NR5A2: variants seen among roughly 807,000 people sequenced by gnomAD.
NR5A2 encodes CYP7A promoter-binding factor.
A neutral mutation model predicts 62.7 loss-of-function variants in NR5A2; 26 were observed. The observed-to-expected ratio is 0.41, with a 90% CI of 0.30 to 0.58. The LOEUF is 0.58. Among genes scored for constraint, NR5A2 ranks in the 20% least tolerant of loss-of-function variants. NR5A2 has a pLI of 0.22. For missense variants in NR5A2, 541 were observed against 669.1 expected (o/e 0.81, Z 2.11); for synonymous variants, 246 against 241.7 (o/e 1.02, Z -0.16).
chr1:200,148,039 T>C (rs958636455), intron 7 of NR5A2: 7 of 303,790 alleles, frequency 2.3e-5, no homozygotes, highest in Non-Finnish European at 1.3e-5. Flanking sequence ...GGCAGGTCGC[T>C]GGAGCGCACG....
chr1:200,038,911 A>G, intron 1 of NR5A2: 1 of 446,490 alleles, frequency 2.2e-6, no homozygotes, highest in Non-Finnish European at 3.6e-6. Context: ...CTAGTGTCCG[A>G]CCTGAGTCCG....
intron 5 of NR5A2, among the ~76,000 whole-genome samples, chr1:200,077,468 C>T (rs1013890072): frequency 6.6e-6 from 1 of 152,176 alleles, no homozygotes; most frequent in African/African-American, 2.4e-5. Context: ...AATCCCAGCA[C>T]ATTGGGAGGC....
chr1:200,074,075 A>G (rs1189512951), intron 5 of NR5A2, among the ~76,000 whole-genome samples: 1 of 152,214 alleles, frequency 6.6e-6, no homozygotes, highest in East Asian at 1.9e-4. Context: ...GAAAATGGCT[A>G]TACTTGGTCC....
At chr1:200,138,872 G>A (rs1667334851) in intron 7 of NR5A2, among the ~76,000 whole-genome samples, 1 of 152,086 alleles carries the variant, frequency 6.6e-6, no homozygotes, top group Non-Finnish European at 1.5e-5. Flanking sequence ...TTTCAAAATA[G>A]TCTTAATTAG....
chr1:200,053,298 A>G (rs1170795073), intron 5 of NR5A2, among the ~76,000 whole-genome samples: 1 of 152,146 alleles, frequency 6.6e-6, no homozygotes, highest in East Asian at 1.9e-4. Flanking sequence ...GAAAGATGAA[A>G]TTAATACTCT....
At chr1:200,038,604 T>A (rs934883925) in intron 1 of NR5A2, 21 of 774,294 alleles carry the variant, frequency 2.7e-5, no homozygotes, top group Non-Finnish European at 3.6e-5. Flanking sequence ...TTCAATGGTT[T>A]AAGTGGGTGT....
intron 2 of NR5A2, among the ~76,000 whole-genome samples, chr1:200,041,102 A>T (rs1381507086): frequency 6.6e-6 from 1 of 151,530 alleles, no homozygotes; most frequent in Non-Finnish European, 1.5e-5. Flanking sequence ...GGGTTGGGGG[A>T]CCTCAGCCGG....
chr1:200,153,639 T>G, intron 7 of NR5A2, among the ~76,000 whole-genome samples: 1 of 152,256 alleles, frequency 6.6e-6, no homozygotes, highest in Middle Eastern at 3.4e-3. Context: ...ATACATCTAG[T>G]AGCTGTTTAA....
At chr1:200,059,137 A>G (rs1198450144) in intron 5 of NR5A2, among the ~76,000 whole-genome samples, 1 of 152,046 alleles carries the variant, frequency 6.6e-6, no homozygotes, top group African/African-American at 2.4e-5. Flanking sequence ...TAATTAGAGG[A>G]GACCATCGTA....
Position 200,048,277 on chromosome 1 carries a change from G to A in NR5A2, c.569G>A (p.Gly190Glu). The change falls in exon 5 of 8, where the codon GGA (glycine) becomes GAA (glutamate). Residue 190 changes from glycine (G) to glutamate (E), a missense_variant. Physicochemically the swap from Gly to Glu is moderately conservative, Grantham distance 98. This residue lies in a region of NR5A2 where 379 missense variants were observed against 442.0 expected (regional missense o/e 0.86). Coordinates refer to ENST00000367362, the MANE Select transcript of NR5A2 (RefSeq NM_205860.3). The surrounding 1 kb of genome is among the most constrained non-coding windows in gnomAD (Gnocchi z 4.8). ...QQKKALIRAN[G>E]LKLEAMSQVI... ...AAAAAAGCCCTCATCCGAGCCAATGGACTTAAGCTAGAAGCCATGTCTCAG... is the reference window on the plus strand; with the variant it reads ...AAAAAAGCCCTCATCCGAGCCAATGAACTTAAGCTAGAAGCCATGTCTCAG... The A allele has an allele frequency of 6.2e-7, 1 of 1,614,098 alleles. No homozygotes were observed. The highest frequency in any genetic ancestry group is 8.5e-7 in the Non-Finnish European group (1 of 1,180,024).
At chr1:200,167,386 G>A (rs190505712) in intron 7 of NR5A2, among the ~76,000 whole-genome samples, 3 of 151,966 alleles carry the variant, frequency 2.0e-5, no homozygotes, top group East Asian at 3.9e-4. Context: ...ATTAACCCAA[G>A]GCCAGCAAAC....
chr1:200,117,683 C>T (rs984992226), intron 6 of NR5A2, among the ~76,000 whole-genome samples: 2 of 152,000 alleles, frequency 1.3e-5, no homozygotes, highest in African/African-American at 4.8e-5. Context: ...GTATGGTCTT[C>T]CTGATTCAGG....
At chr1:200,046,685 C>T (rs1190179312) in intron 4 of NR5A2, among the ~76,000 whole-genome samples, 1 of 152,106 alleles carries the variant, frequency 6.6e-6, no homozygotes, top group East Asian at 1.9e-4. Flanking sequence ...ATAATTGATG[C>T]TTATTAATTT....
At chr1:200,033,403 T>TA (rs200577820) in intron 1 of NR5A2, among the ~76,000 whole-genome samples, 83 of 147,656 alleles carry the variant, frequency 5.6e-4, no homozygotes, top group African/African-American at 1.3e-3. Context: ...AGGTGTCAAT[T>TA]AAAAAAAAAA....
intron 7 of NR5A2, among the ~76,000 whole-genome samples, chr1:200,172,385 A>G (rs1417320871): frequency 2.0e-5 from 3 of 152,246 alleles, no homozygotes; most frequent in Admixed American, 2.0e-4. Context: ...AAATGTCCAG[A>G]GCACACCAAT....
chr1:200,031,012 C>A (rs1415362977), intron 1 of NR5A2, among the ~76,000 whole-genome samples: 3 of 152,202 alleles, frequency 2.0e-5, no homozygotes, highest in Non-Finnish European at 4.4e-5. Flanking sequence ...GTCACCCTAA[C>A]CTCCAGCGAG....
intron 7 of NR5A2, among the ~76,000 whole-genome samples, chr1:200,154,474 G>A (rs1653284929): frequency 6.6e-6 from 1 of 152,212 alleles, no homozygotes; most frequent in Admixed American, 6.5e-5. Flanking sequence ...GCAATGGGGT[G>A]ATACTCAAGT....
chr1:200,060,307 G>C (rs115005857), intron 5 of NR5A2, among the ~76,000 whole-genome samples: 2 of 152,248 alleles, frequency 1.3e-5, no homozygotes, highest in South Asian at 2.1e-4. Flanking sequence ...AAGGCAACTC[G>C]TTCCCTACAA....
At chr1:200,115,993 CATT>C (rs906673430) in intron 6 of NR5A2, among the ~76,000 whole-genome samples, 5 of 151,822 alleles carry the variant, frequency 3.3e-5, no homozygotes, top group African/African-American at 1.2e-4. Flanking sequence ...ACAATTCACT[CATT>C]ATAGATTTCC....
Sources: allele counts gnomAD v4.1 joint callset (sites outside exome capture counted in the v4.1 genomes callset), GRCh38; gene constraint gnomAD v4.1.1; regional missense constraint gnomAD v4.1.1; non-coding constraint Gnocchi (gnomAD v3.1); transcripts MANE v1.5; gene names NCBI Gene and HGNC (gene_info 2026-07-23, HGNC 2026-07-21).